The following FOXP2 variants were observed in gnomAD, a reference collection of about 807,000 sequenced individuals.
The protein encoded by FOXP2 is forkhead box P2, also known as forkhead box protein P2.
A neutral mutation model predicts 115.8 loss-of-function variants in FOXP2; 12 were observed. The ratio of observed to expected loss-of-function variants is 0.10; its 90% CI spans 0.07 to 0.17. The LOEUF (loss-of-function observed/expected upper bound fraction) is 0.17. Ranked by LOEUF, FOXP2 falls within the 10% of genes least tolerant of loss-of-function variation. FOXP2 has a pLI of 1.00. For synonymous variants in FOXP2, 328 were observed against 297.7 expected, an observed-to-expected ratio of 1.10 and a Z score of -1.05; for missense variants, 629 against 843.5, an observed-to-expected ratio of 0.75 and a Z score of 3.15.
chr7:114,262,915 T>C (rs2129171559), intron 1 of FOXP2, among the ~76,000 whole-genome samples: 1 of 152,350 alleles, frequency 6.6e-6, no homozygotes, highest in Admixed American at 6.5e-5. Context: ...GTCTACATAG[T>C]ATCCCCTCTC....
At chr7:114,428,358 A>G (rs1483152343) in intron 2 of FOXP2, among the ~76,000 whole-genome samples, 1 of 151,578 alleles carries the variant, frequency 6.6e-6, no homozygotes, top group South Asian at 2.1e-4. Context: ...AGGCATTTTG[A>G]TTAGGTCTAT....
intron 1 of FOXP2, among the ~76,000 whole-genome samples, chr7:114,156,164 C>A (rs1792663834): frequency 6.6e-6 from 1 of 152,142 alleles, no homozygotes; most frequent in Non-Finnish European, 1.5e-5. Context: ...CTGCTGATCA[C>A]CAGTTTTAGT....
intron 2 of FOXP2, among the ~76,000 whole-genome samples, chr7:114,408,814 TA>T (rs1363473548): frequency 3.9e-5 from 6 of 152,122 alleles, no homozygotes; most frequent in Admixed American, 3.9e-4. Flanking sequence ...CATCATATTT[TA>T]AAGAAAGTAC....
chr7:114,642,813 T>TATATATATATATA (rs1491281422), intron 7 of FOXP2, among the ~76,000 whole-genome samples, 190 bp downstream of exon 7: 6 of 58,466 alleles, frequency 1.0e-4, no homozygotes, highest in South Asian at 1.2e-3. Context: ...TATATATATA[T>TATATATATATATA]TTTTTTTTTT....
chr7:114,649,240 C>T (rs554076612), intron 8 of FOXP2, among the ~76,000 whole-genome samples: 1 of 152,192 alleles, frequency 6.6e-6, no homozygotes, highest in African/African-American at 2.4e-5. Flanking sequence ...TCAGGGATAA[C>T]AACCCCACTT....
chr7:114,259,779 T>A (rs1039929407), intron 1 of FOXP2, among the ~76,000 whole-genome samples: 1 of 152,284 alleles, frequency 6.6e-6, no homozygotes, highest in South Asian at 2.1e-4. Context: ...GGCAATAAAT[T>A]CTAAATTATC....
intron 3 of FOXP2, among the ~76,000 whole-genome samples, chr7:114,547,995 C>T (rs899847622): frequency 6.6e-6 from 1 of 152,136 alleles, no homozygotes; most frequent in Non-Finnish European, 1.5e-5. Context: ...GAAACATGAA[C>T]TCCACAGACA....
intron 2 of FOXP2, among the ~76,000 whole-genome samples, chr7:114,399,693 G>A (rs1224491983): frequency 2.0e-5 from 3 of 151,984 alleles, no homozygotes; most frequent in African/African-American, 7.3e-5. Flanking sequence ...TGGAGGTGGA[G>A]GCAGAGGAAA....
intron 1 of FOXP2, among the ~76,000 whole-genome samples, chr7:114,187,417 A>T (rs1793636177): frequency 6.6e-6 from 1 of 152,198 alleles, no homozygotes; most frequent in Non-Finnish European, 1.5e-5. Context: ...GCTACTTTAT[A>T]ACAAGGATAG....
intron 1 of FOXP2, among the ~76,000 whole-genome samples, chr7:114,188,244 TCTTAC>T (rs1394572256): frequency 6.6e-6 from 1 of 152,182 alleles, no homozygotes; most frequent in East Asian, 1.9e-4. Flanking sequence ...AATACGAACA[TCTTAC>T]CTTAACTTTG....
At chr7:114,416,764 T>C (rs1793365017) in intron 1 of FOXP2, among the ~76,000 whole-genome samples, 1 of 151,990 alleles carries the variant, frequency 6.6e-6, no homozygotes, top group South Asian at 2.1e-4. Flanking sequence ...CTTGAGAATA[T>C]GTGGAGAGGT....
At chr7:114,523,635 A>G (rs1798728439) in intron 2 of FOXP2, among the ~76,000 whole-genome samples, 1 of 152,186 alleles carries the variant, frequency 6.6e-6, no homozygotes, top group Admixed American at 6.6e-5. Context: ...GCAGAAAGCT[A>G]GAATGTGAAC....
At chr7:114,196,032 G>A (rs1793895234) in intron 1 of FOXP2, among the ~76,000 whole-genome samples, 1 of 151,904 alleles carries the variant, frequency 6.6e-6, no homozygotes, top group Non-Finnish European at 1.5e-5. Context: ...TTTATTTATT[G>A]CGGCAGAGTC....
At chr7:114,406,271 G>C (rs1183159666) in intron 2 of FOXP2, among the ~76,000 whole-genome samples, 2 of 151,816 alleles carry the variant, frequency 1.3e-5, no homozygotes, top group Non-Finnish European at 2.9e-5. Flanking sequence ...AACATATTTT[G>C]CTCCAGCTGT....
At chr7:114,369,740 CAGA>C (rs1791960130) in intron 2 of FOXP2, among the ~76,000 whole-genome samples, 2 of 152,126 alleles carry the variant, frequency 1.3e-5, no homozygotes. Flanking sequence ...CCCCTATCAA[CAGA>C]TTTTTAAGGC....
At chr7:114,653,859 A>G in intron 9 of FOXP2, 67 bp from the exon 10 acceptor site, 1 of 1,441,638 alleles carries the variant, frequency 6.9e-7, no homozygotes, top group South Asian at 1.1e-5. Context: ...GATAAGATGT[A>G]TCACTGCAAT....
chr7:114,451,040 G>A (rs1017845381), intron 2 of FOXP2, among the ~76,000 whole-genome samples: 2 of 152,012 alleles, frequency 1.3e-5, no homozygotes, highest in Admixed American at 6.6e-5. Flanking sequence ...AATAATATCT[G>A]ATAAAAGGTT....
intron 1 of FOXP2, among the ~76,000 whole-genome samples, chr7:114,188,765 A>C (rs960949945): frequency 6.6e-6 from 1 of 152,140 alleles, no homozygotes; most frequent in East Asian, 1.9e-4. Context: ...AGGATATAGG[A>C]AGTGTGAGTC....
chr7:114,447,703 T>C (rs1794896322), intron 2 of FOXP2, among the ~76,000 whole-genome samples: 1 of 152,194 alleles, frequency 6.6e-6, no homozygotes, highest in African/African-American at 2.4e-5. Flanking sequence ...TAAAGTCATT[T>C]CGGGGAGTCT....
Sources: allele counts gnomAD v4.1 joint callset (sites outside exome capture counted in the v4.1 genomes callset), GRCh38; gene constraint gnomAD v4.1.1; transcripts MANE v1.5; gene names NCBI Gene and HGNC (gene_info 2026-07-23, HGNC 2026-07-21).